PGM1: variants seen among roughly 807,000 people sequenced by gnomAD.
PGM1 encodes phosphoglucomutase 1, also known as phosphoglucomutase-1.
Under a neutral mutation model 55.6 loss-of-function variants are expected in PGM1, and 52 were observed. The observed-to-expected ratio is 0.94, with a 90% CI of 0.75 to 1.18. The LOEUF (loss-of-function observed/expected upper bound fraction) is 1.18. Among genes scored for constraint, PGM1 ranks in the 50% most tolerant of loss-of-function variants. The pLI, the probability that PGM1 is intolerant of heterozygous loss-of-function variation, is 0.00. For synonymous variants in PGM1, 287 were observed against 271.7 expected (o/e 1.06, Z -0.55); for missense variants, 724 against 729.3 (o/e 0.99, Z 0.08).
intron 1 of PGM1, among the ~76,000 whole-genome samples, chr1:63,596,790 A>C (rs1030695950): frequency 6.6e-6 from 1 of 152,190 alleles, no homozygotes; most frequent in Admixed American, 6.5e-5. Flanking sequence ...TTCCGTTTAC[A>C]TGTCAACGGC....
At chr1:63,648,735 C>T in intron 8 of PGM1, 83 bp downstream of exon 8, 1 of 1,437,746 alleles carries the variant, frequency 7.0e-7, no homozygotes. Context: ...CCTCTCCTGT[C>T]TTAAGTGCTA....
intron 10 of PGM1, among the ~76,000 whole-genome samples, chr1:63,658,480 C>T (rs1365458680): frequency 2.7e-5 from 4 of 149,760 alleles, no homozygotes; most frequent in Middle Eastern, 3.5e-3. Context: ...AGGCCGGGTG[C>T]GGTGGCTCAC....
intron 1 of PGM1, among the ~76,000 whole-genome samples, chr1:63,611,297 A>G (rs559663623): frequency 2.0e-5 from 3 of 152,208 alleles, no homozygotes; most frequent in Non-Finnish European, 4.4e-5. Flanking sequence ...ACATGGGGGT[A>G]TGAAGAAGAC....
At chr1:63,646,291 A>G (rs1649643272) in intron 7 of PGM1, among the ~76,000 whole-genome samples, 1 of 152,220 alleles carries the variant, frequency 6.6e-6, no homozygotes, top group Non-Finnish European at 1.5e-5. Flanking sequence ...TTCAGAAATC[A>G]GAAAATAAGG....
chr1:63,648,906 G>A (rs1173482424), intron 8 of PGM1, among the ~76,000 whole-genome samples: 1 of 152,170 alleles, frequency 6.6e-6, no homozygotes, highest in Non-Finnish European at 1.5e-5. Flanking sequence ...CATTTTAAAT[G>A]TGTCCATTGG....
intron 3 of PGM1, among the ~76,000 whole-genome samples, chr1:63,631,273 A>G (rs775787521): frequency 9.2e-5 from 14 of 152,218 alleles, no homozygotes; most frequent in Non-Finnish European, 1.6e-4. Flanking sequence ...TCTACTCTCT[A>G]TAACACCAAA....
At chr1:63,618,183 G>T (rs1247815488) in intron 1 of PGM1, among the ~76,000 whole-genome samples, 1 of 152,182 alleles carries the variant, frequency 6.6e-6, no homozygotes, top group African/African-American at 2.4e-5. Context: ...TAAGTAACTT[G>T]TCCAAGATCA....
At chr1:63,650,906 A>C (rs1649790095) in intron 8 of PGM1, among the ~76,000 whole-genome samples, 1 of 152,130 alleles carries the variant, frequency 6.6e-6, no homozygotes, top group African/African-American at 2.4e-5. Flanking sequence ...TTAAAATAAA[A>C]CAAAATTTAA....
At position 63,605,291 on chromosome 1, in the gene PGM1, A is replaced by G. The variant is rs1648388631; in HGVS notation, c.246+11557A>G. ...GCCAGGCTCCTGGCTCTTTCACTGT[A>G]CAGTACCTTCACAAATTTAGTAGTC... On this transcript the variant is annotated intron_variant, in intron 1 of 10. Transcript: ENST00000371084. Among the ~76,000 whole-genome samples the G allele has an allele frequency of 2.6e-5, 4 of 152,216 alleles. No homozygotes were observed. The South Asian group carries it at 8.3e-4, about 32-fold the overall frequency.
At chr1:63,651,216 C>T (rs1032930691) in intron 8 of PGM1, 2 of 166,928 alleles carry the variant, frequency 1.2e-5, no homozygotes, top group African/African-American at 4.8e-5. Flanking sequence ...TCAGGCAGGT[C>T]TCAGGCTGGG....
intron 1 of PGM1, among the ~76,000 whole-genome samples, chr1:63,625,823 C>A (rs1649001058): frequency 6.6e-6 from 1 of 151,988 alleles, no homozygotes; most frequent in Admixed American, 6.6e-5. Flanking sequence ...CGTTTTATTG[C>A]ACAAAATAAG....
intron 6 of PGM1, 63 bp from the exon 7 acceptor site, chr1:63,638,622 G>C (rs878892001): frequency 1.9e-6 from 2 of 1,042,852 alleles, no homozygotes; most frequent in South Asian, 2.5e-5. Flanking sequence ...GCCCTTTTCC[G>C]TCCCTCACAT....
intron 4 of PGM1, 145 bp downstream of exon 4, chr1:63,631,927 C>T: frequency 1.2e-6 from 1 of 810,532 alleles, no homozygotes; most frequent in Non-Finnish European, 2.1e-6. Flanking sequence ...GAGCAATATT[C>T]ACACAGATAA....
chr1:63,602,169 A>G (rs550170752), intron 1 of PGM1, among the ~76,000 whole-genome samples: 85 of 152,320 alleles, frequency 5.6e-4, no homozygotes, highest in African/African-American at 2.0e-3. Context: ...GGGGATTGTT[A>G]TAATATGCTG....
intron 1 of PGM1, among the ~76,000 whole-genome samples, chr1:63,606,575 T>G (rs1420027137): frequency 6.6e-6 from 1 of 152,158 alleles, no homozygotes; most frequent in African/African-American, 2.4e-5. Context: ...GGCACACCTT[T>G]CTCAGAGATT....
rs1161161385 is a variant in PGM1, at chr1:63,615,550, C to CTTTTTTTTTTTTTTTTTT, written c.247-13862_247-13845dup. On this transcript the variant is annotated intron_variant, in intron 1 of 10. Transcript: ENST00000371084. ...CCATTTCTCTCCTCTTCTTCTTCTT[C>CTTTTTTTTTTTTTTTTTT]TTTTTTTTTTTTTTTTTTTTTTTTT... Among the ~76,000 whole-genome samples, 19 of 62,984 alleles carry CTTTTTTTTTTTTTTTTTT rather than the reference C, an allele frequency of 3.0e-4. 5 individuals are homozygous for CTTTTTTTTTTTTTTTTTT. Among genetic ancestry groups the CTTTTTTTTTTTTTTTTTT allele is most frequent in the African/African-American group, 9.4e-4 (14 of 14,824 alleles). The allele number at this position is 62,984 out of a possible 152,430, so 41.3% of individuals were successfully genotyped here.
At chr1:63,624,394 A>G (rs939117211) in intron 1 of PGM1, among the ~76,000 whole-genome samples, 1 of 152,178 alleles carries the variant, frequency 6.6e-6, no homozygotes, top group African/African-American at 2.4e-5. Context: ...CTGTAAGACT[A>G]TAGTATGAGG....
Position 63,643,702 on chromosome 1 carries a change from T to C in PGM1, c.1145-4815T>C, listed in dbSNP as rs1372255288. ...GCCCGGCCATTCTTTGGGCAGACTG[T>C]CTTAACAACTGACTTTGGGCCAACC... On this transcript the variant is annotated intron_variant, in intron 7 of 10. Transcript: ENST00000371084. Among the ~76,000 whole-genome samples, 3 of 152,234 alleles carry C rather than the reference T, an allele frequency of 2.0e-5. No individual in the cohort carries two copies. In the East Asian group the frequency reaches 5.8e-4, roughly 29 times the overall value.
intron 1 of PGM1, among the ~76,000 whole-genome samples, chr1:63,613,805 A>G (rs1482995206): frequency 6.6e-6 from 1 of 151,356 alleles, no homozygotes; most frequent in Non-Finnish European, 1.5e-5. Context: ...TACAGACACC[A>G]AAGCACATAT....
Sources: gnomAD v4.1 joint callset for allele counts (sites outside exome capture counted in the v4.1 genomes callset) on GRCh38, gnomAD v4.1.1 for gene constraint, MANE v1.5 for transcripts, NCBI Gene and HGNC (gene_info 2026-07-23, HGNC 2026-07-21) for gene names.